The following UBN2 variants were observed in gnomAD, a reference collection of about 807,000 sequenced individuals.
UBN2 encodes ubinuclein-2.
A neutral mutation model predicts 120.2 loss-of-function variants in UBN2; 35 were observed. That is an observed-to-expected ratio of 0.29 (90% CI 0.22 to 0.39). The LOEUF (loss-of-function observed/expected upper bound fraction) is 0.39, where lower values mean the gene tolerates loss of function less well. Among genes scored for constraint, UBN2 ranks in the 10% least tolerant of loss-of-function variants. The probability of loss-of-function intolerance (pLI) is 1.00; values close to 1 mark genes in which losing one functional copy is unlikely to be tolerated. For synonymous variants in UBN2, 661 were observed against 648.7 expected (o/e 1.02, Z -0.29); for missense variants, 1,693 against 1,663.2 (o/e 1.02, Z -0.31).
At position 139,279,332 on chromosome 7, in the gene UBN2, T is replaced by C; in HGVS notation, c.2039T>C (p.Val680Ala). The change falls in exon 13 of 18, where the codon GTG (valine) becomes GCG (alanine). Residue 680 changes from valine (V) to alanine (A), a missense_variant. By Grantham distance (64) the Val-to-Ala change is moderately conservative. Coordinates refer to ENST00000473989, the MANE Select transcript of UBN2 (RefSeq NM_173569.4). ...TTTTATCTTAGGGCAAAGAAAAAGG[T>C]GATTCCTGCACCTAAACCCAAAGTA... ...HLTSAPAKKK[V>A]IPAPKPKVKE... 1 of 1,609,262 alleles carries C rather than the reference T, an allele frequency of 6.2e-7. No homozygotes were observed. Among genetic ancestry groups the C allele is most frequent in the South Asian group, 1.1e-5 (1 of 90,460 alleles).
At chr7:139,234,629 A>G (rs918377674) in intron 1 of UBN2, among the ~76,000 whole-genome samples, 1 of 152,202 alleles carries the variant, frequency 6.6e-6, no homozygotes, top group Non-Finnish European at 1.5e-5. Context: ...TTTCTGGCTA[A>G]AGGGTAATAG....
chr7:139,254,735 G>A (rs1796711850), intron 3 of UBN2, among the ~76,000 whole-genome samples: 2 of 152,132 alleles, frequency 1.3e-5, no homozygotes, highest in Admixed American at 1.3e-4. Flanking sequence ...ATATAAATGG[G>A]CATCACATGT....
chr7:139,232,013 C>T (rs1796033470), intron 1 of UBN2, 61 bp downstream of exon 1: 1 of 1,529,666 alleles, frequency 6.5e-7, no homozygotes, highest in Non-Finnish European at 8.8e-7. Flanking sequence ...GCCGCCTTCC[C>T]CAGCTGGTTT....
the UBN2 span, among the ~76,000 whole-genome samples, chr7:139,325,543 T>C: frequency 1.3e-5 from 2 of 152,070 alleles, no homozygotes; most frequent in Non-Finnish European, 2.9e-5. Flanking sequence ...TGCTGGGATT[T>C]GAGGCATGAG....
chr7:139,258,664 C>T (rs547224611), intron 4 of UBN2, 39 bp downstream of exon 4: 15 of 1,476,248 alleles, frequency 1.0e-5, no homozygotes, highest in African/African-American at 1.4e-5. Context: ...TGAGAATGTT[C>T]AATTAATAGG....
chr7:139,253,036 C>T (rs1245743223), intron 3 of UBN2, among the ~76,000 whole-genome samples: 1 of 151,974 alleles, frequency 6.6e-6, no homozygotes, highest in Non-Finnish European at 1.5e-5. Flanking sequence ...AGGCCCCAGT[C>T]CTGAGAGGTA....
At chr7:139,293,547 C>A in intron 16 of UBN2, 84 bp downstream of exon 16, 3 of 1,147,512 alleles carry the variant, frequency 2.6e-6, no homozygotes, top group Non-Finnish European at 1.3e-6. Context: ...TAAGAGTAGT[C>A]CAGTTGGAGT....
At chr7:139,324,927 G>C in the UBN2 span, among the ~76,000 whole-genome samples, 1 of 151,746 alleles carries the variant, frequency 6.6e-6, no homozygotes, top group African/African-American at 2.4e-5. Flanking sequence ...CCGAGATTGC[G>C]CCACTGGACT....
Position 139,231,826 on chromosome 7 carries a change from C to T in UBN2, c.342C>T (p.Ser114=), listed in dbSNP as rs754788484. 9.0e-5 allele frequency: 135 copies of T among 1,501,986 alleles called. No individual in the cohort carries two copies. Among genetic ancestry groups the T allele is most frequent in the Non-Finnish European group, 1.1e-4 (123 of 1,131,170 alleles). The allele number at this position is 1,501,986 out of a possible 1,614,324, so 93.0% of individuals were successfully genotyped here. The change falls in exon 1 of 18, where the codon TCC becomes TCT. Residue 114 remains serine, a synonymous_variant. Transcript: ENST00000473989. Reference sequence around the variant, plus strand: ...CGCCCCCGCCGCGGGAGTCGGCTTCCCGGGCTGAGCAGCCGCCGCGGCCGC... The same window carrying T: ...CGCCCCCGCCGCGGGAGTCGGCTTCTCGGGCTGAGCAGCCGCCGCGGCCGC... ...LQPPPPRESA[S]RAEQPPRPPR... is the part of the protein sequence containing the mutation.
At chr7:139,324,572 A>G in the UBN2 span, among the ~76,000 whole-genome samples, 120 of 148,660 alleles carry the variant, frequency 8.1e-4, 1 homozygote, top group East Asian at 7.9e-4. Context: ...AAAAAAAAAA[A>G]AAAGAAAAAG....
chr7:139,266,614 A>G (rs535139970), intron 7 of UBN2, among the ~76,000 whole-genome samples: 3 of 152,320 alleles, frequency 2.0e-5, no homozygotes, highest in South Asian at 2.1e-4. Flanking sequence ...AAAGCTTCCA[A>G]TAGTTACAAC....
Position 139,273,377 on chromosome 7 carries a change from C to T in UBN2, c.1796C>T (p.Pro599Leu), listed in dbSNP as rs751213927. 2 of 1,604,126 alleles carry T rather than the reference C, an allele frequency of 1.2e-6. No homozygotes were observed. Among genetic ancestry groups the T allele is most frequent in the Non-Finnish European group, 1.7e-6 (2 of 1,174,494 alleles). Residue 599 changes from proline (P) to leucine (L), a missense_variant, in exon 10 of 18, where the codon CCA becomes CTA. Physicochemically the swap from Pro to Leu is moderately conservative, Grantham distance 98 (BLOSUM62 -3). Transcript: ENST00000473989. Reference protein sequence around the residue: ...DEKPGKRVIGPRKKFHWDDTI... With the variant: ...DEKPGKRVIGLRKKFHWDDTI... ...AAACCAGGAAAACGTGTCATAGGAC[C>T]AAGAAAGAAATTCCACTGGGATGAC...
At position 139,258,604 on chromosome 7, in the gene UBN2, C is replaced by T. The variant is rs1365134144; in HGVS notation, c.780C>T (p.Asn260=). 2 of 1,597,104 alleles carry T rather than the reference C, an allele frequency of 1.3e-6. No homozygotes were observed. The highest frequency in any genetic ancestry group is 1.7e-5 in the Admixed American group (1 of 59,202). The change falls in exon 4 of 18, where the codon AAC becomes AAT. Residue 260 remains asparagine (N), a synonymous_variant. Coordinates refer to ENST00000473989, the MANE Select transcript of UBN2 (RefSeq NM_173569.4). ...SDTEEDDITD[N]QKHKPPKVPK... The stretch of plus-strand genomic sequence containing the variant: ...CTGAAGAAGATGATATTACAGACAA[C>T]CAAAAGCACAAGCCACCCAAGGTGA...
At position 139,261,284 on chromosome 7, in the gene UBN2, A is replaced by G. The variant is rs775887681; in HGVS notation, c.938A>G (p.Lys313Arg). 2.5e-6 allele frequency: 4 copies of G among 1,610,492 alleles called. No homozygotes were observed. In the South Asian group the frequency reaches 4.4e-5, roughly 18 times the overall value. Residue 313 changes from lysine (K) to arginine (R), a missense_variant, in exon 6 of 18, where the codon AAA becomes AGA. This residue lies in a region of UBN2 where 663 missense variants were observed against 591.2 expected (regional missense o/e 1.12). Transcript: ENST00000473989. ...VVALNSHKSE[K>R]KKKRYKDSLS... ...GCTCTAAATTCACACAAGTCTGAAA[A>G]AAAGAAGAAACGTTATAAAGATTCT... is the stretch of plus-strand genomic sequence containing the variant.
In UBN2 at chr7:139,270,349, A is replaced by G. The variant is rs146764908; in HGVS notation, c.1596+826A>G. 7.6e-3 allele frequency among the ~76,000 whole-genome samples: 1,151 copies of G among 151,390 alleles called. 15 individuals are homozygous for G. Among genetic ancestry groups the G allele is most frequent in the African/African-American group, 0.026 (1,084 of 41,138 alleles). ...AGTGGCGCGATCTCAGCTCACTGCA[A>G]CCACCATCTCCCAGGTTCAAGCAAT... On this transcript the variant is annotated intron_variant, in intron 8 of 17. Transcript: ENST00000473989.
In UBN2 at chr7:139,276,116, C is replaced by T. The variant is rs985317157; in HGVS notation, c.1993C>T (p.Arg665Trp). ...MQARMLFKES[R>W]SVHNHLTSAP... ...TTCCAGAATGCTTTTTAAGGAAAGC[C>T]GGAGTGTTCATAATCATCTTACTTC... Residue 665 changes from arginine (R) to tryptophan (W), a missense_variant, in exon 12 of 18, where the codon CGG becomes TGG. By Grantham distance (101) the Arg-to-Trp change is moderately radical (BLOSUM62 -3). Coordinates refer to ENST00000473989, the MANE Select transcript of UBN2 (RefSeq NM_173569.4). 7 of 1,613,100 alleles carry T rather than the reference C, an allele frequency of 4.3e-6. No homozygotes were observed. Among genetic ancestry groups the T allele is most frequent in the Non-Finnish European group, 5.9e-6 (7 of 1,179,776 alleles).
chr7:139,240,669 A>G (rs1796296147), intron 2 of UBN2, among the ~76,000 whole-genome samples: 1 of 151,592 alleles, frequency 6.6e-6, no homozygotes, highest in African/African-American at 2.4e-5. Flanking sequence ...AGGGAGTATA[A>G]AATTGTAAAA....
intron 11 of UBN2, among the ~76,000 whole-genome samples, chr7:139,274,331 GAAAA>G (rs1290446029): frequency 6.6e-6 from 1 of 152,068 alleles, no homozygotes; most frequent in Non-Finnish European, 1.5e-5. Flanking sequence ...TGCTAGTAGA[GAAAA>G]AGAGAAGAGG....
downstream of UBN2, among the ~76,000 whole-genome samples, chr7:139,311,147 G>A (rs753394655): frequency 2.0e-5 from 3 of 152,120 alleles, no homozygotes; most frequent in South Asian, 2.1e-4. Flanking sequence ...AATTGGGAAC[G>A]GGCAGAAGAG....
Sources: gnomAD v4.1 joint callset for allele counts (sites outside exome capture counted in the v4.1 genomes callset) on GRCh38, gnomAD v4.1.1 for gene constraint, gnomAD v4.1.1 regional missense constraint, MANE v1.5 for transcripts, NCBI Gene and HGNC (gene_info 2026-07-23, HGNC 2026-07-21) for gene names.